Variants in DENND11 observed in about 807,000 individuals in gnomAD.
DENND11 encodes the protein DENN domain-containing protein 11.
Under a neutral mutation model 49.2 loss-of-function variants are expected in DENND11, and 34 were observed. That is an observed-to-expected ratio of 0.69 (90% CI 0.53 to 0.92). The LOEUF (loss-of-function observed/expected upper bound fraction) is 0.92. Among genes scored for constraint, DENND11 ranks in the 40% least tolerant of loss-of-function variants. DENND11 has a pLI of 0.00. For missense variants in DENND11, 475 were observed against 581.6 expected (o/e 0.82, Z 1.88); for synonymous variants, 238 against 230.3 (o/e 1.03, Z -0.30).
At position 141,657,826 on chromosome 7, in the gene DENND11, A is replaced by C. The variant is rs2117044768; in HGVS notation, c.*4830T>G. The C allele has an allele frequency of 6.5e-6, 1 of 152,694 alleles. No individual in the cohort carries two copies. The highest frequency in any genetic ancestry group is 2.1e-4 in the South Asian group (1 of 4,818). 9.5% of individuals were successfully genotyped at this position (152,694 alleles called of 1,614,324 possible). A position where few individuals can be genotyped will look rare whatever the true frequency, so the allele number is the denominator to read the frequency against. ...CCTTCTAAATTTGCAATTTCATCCA[A>C]CTGCCCCTAAATTCTAGTTCCAAAA... On this transcript the variant is annotated 3_prime_UTR_variant, in exon 9 of 9. Coordinates refer to ENST00000536163, the MANE Select transcript of DENND11 (RefSeq NM_001080392.2).
chr7:141,700,324 C>T (rs1267445370), intron 1 of DENND11, among the ~76,000 whole-genome samples: 1 of 151,828 alleles, frequency 6.6e-6, no homozygotes, highest in South Asian at 2.1e-4. Flanking sequence ...TCTAGCATTA[C>T]GGGTAACTTT....
At chr7:141,697,830 CAT>C (rs1798440986) in intron 1 of DENND11, among the ~76,000 whole-genome samples, 2 of 152,122 alleles carry the variant, frequency 1.3e-5, no homozygotes, top group South Asian at 2.1e-4. Flanking sequence ...TAAATGTACT[CAT>C]GTGACATAAA....
At chr7:141,692,299 T>A (rs1001706034) in intron 1 of DENND11, among the ~76,000 whole-genome samples, 5 of 152,134 alleles carry the variant, frequency 3.3e-5, no homozygotes, top group African/African-American at 1.2e-4. Context: ...AAAGCTTACA[T>A]GGAAAGGCAA....
chr7:141,702,103 G>T lies in DENND11; in HGVS notation c.51C>A (p.Pro17=). Residue 17 remains proline, a synonymous_variant, in exon 1 of 9, where the codon CCC becomes CCA. Coordinates refer to ENST00000536163, the MANE Select transcript of DENND11 (RefSeq NM_001080392.2). ...AAPLLRWAEG[P]AVSLPQAPQP... ...GCGGGGCCTGCGGCAGGGAGACGGC[G>T]GGGCCCTCGGCCCAGCGCAGCAGCG... is the stretch of plus-strand genomic sequence containing the variant. 1.0e-6 allele frequency: 1 copy of T among 984,368 alleles called. No individual in the cohort carries two copies. Among genetic ancestry groups the T allele is most frequent in the Non-Finnish European group, 1.2e-6 (1 of 830,662 alleles). 61.0% of individuals were successfully genotyped at this position (984,368 alleles called of 1,614,324 possible). A position where few individuals can be genotyped will look rare whatever the true frequency, so the allele number is the denominator to read the frequency against.
chr7:141,673,908 T>A (rs772575640), intron 4 of DENND11, among the ~76,000 whole-genome samples, 159 bp downstream of exon 4: 40 of 152,216 alleles, frequency 2.6e-4, no homozygotes, highest in Non-Finnish European at 5.3e-4. Context: ...CCTTATGTTT[T>A]AAAAAAACCA....
At chr7:141,690,617 C>A (rs1005796396) in intron 1 of DENND11, among the ~76,000 whole-genome samples, 2 of 152,228 alleles carry the variant, frequency 1.3e-5, no homozygotes, top group African/African-American at 4.8e-5. Flanking sequence ...CACATTTCTA[C>A]TGACTACATC....
chr7:141,683,691 T>A (rs1378190531), intron 3 of DENND11, among the ~76,000 whole-genome samples: 1 of 152,034 alleles, frequency 6.6e-6, no homozygotes, highest in Non-Finnish European at 1.5e-5. Flanking sequence ...TTTGGCAAGT[T>A]CAGAAACAGC....
intron 3 of DENND11, among the ~76,000 whole-genome samples, chr7:141,683,765 G>C (rs1016988798): frequency 6.6e-6 from 1 of 152,174 alleles, no homozygotes; most frequent in Non-Finnish European, 1.5e-5. Context: ...ACTAATTTCA[G>C]ATAACAGTAG....
chr7:141,684,400 T>C (rs1022032852), intron 3 of DENND11, among the ~76,000 whole-genome samples: 2 of 152,220 alleles, frequency 1.3e-5, no homozygotes, highest in Admixed American at 1.3e-4. Flanking sequence ...GTTTAATATA[T>C]TTCATTAACA....
intron 8 of DENND11, 106 bp from the exon 9 acceptor site, chr7:141,662,957 C>T (rs926127818): frequency 5.4e-6 from 4 of 743,890 alleles, no homozygotes; most frequent in African/African-American, 3.6e-5. Context: ...GTTTAATGTA[C>T]TTTTCAGTGG....
intron 1 of DENND11, 36 bp downstream of exon 1, chr7:141,701,849 AC>A: frequency 8.6e-7 from 1 of 1,157,396 alleles, no homozygotes; most frequent in Non-Finnish European, 1.1e-6. Flanking sequence ...GGGCACCCCG[AC>A]CCTCCCCACG....
chr7:141,675,149 G>A (rs1460008223), intron 3 of DENND11, among the ~76,000 whole-genome samples: 1 of 152,154 alleles, frequency 6.6e-6, no homozygotes, highest in Non-Finnish European at 1.5e-5. Context: ...GGGACTTTTG[G>A]ACACATAGAC....
intron 1 of DENND11, among the ~76,000 whole-genome samples, chr7:141,699,814 T>A (rs1164925182): frequency 2.6e-5 from 4 of 152,220 alleles, no homozygotes; most frequent in Admixed American, 2.6e-4. Flanking sequence ...AGAGCAGTGA[T>A]CAGAATAAAT....
intron 4 of DENND11, among the ~76,000 whole-genome samples, chr7:141,668,108 C>T (rs2117054757): frequency 6.6e-6 from 1 of 152,312 alleles, no homozygotes; most frequent in South Asian, 2.1e-4. Context: ...CACACAGAGG[C>T]CAGGTGGGGC....
rs777915669 is a variant in DENND11 at position 141,659,398 on chromosome 7, A to G, written c.*3258T>C. On this transcript the variant is annotated 3_prime_UTR_variant, in exon 9 of 9. Coordinates refer to ENST00000536163, the MANE Select transcript of DENND11 (RefSeq NM_001080392.2). ...GGCCATACTTTTAGTCTGGTAGGGG[A>G]TAAGCCCTACCATTTCAAACTCCTT... The G allele has an allele frequency of 1.3e-5, 2 of 152,210 alleles. No individual in the cohort carries two copies. The highest frequency in any genetic ancestry group is 2.9e-5 in the Non-Finnish European group (2 of 68,040). 9.4% of individuals were successfully genotyped at this position (152,210 alleles called of 1,614,324 possible). A position where few individuals can be genotyped will look rare whatever the true frequency, so the allele number is the denominator to read the frequency against.
rs1039096212 is a variant in DENND11, at chr7:141,665,594, C to T, written c.821-276G>A. Among the ~76,000 whole-genome samples the T allele has an allele frequency of 9.9e-5, 15 of 152,258 alleles. No homozygotes were observed. The South Asian group carries it at 1.9e-3, about 19-fold the overall frequency. On this transcript the variant is annotated intron_variant, in intron 5 of 8. Transcript: ENST00000536163. Reference sequence around the variant, plus strand: ...TGCTTAGAATTTGACCTTGTCAGAACTCCGGCCTCTGTAACCCTTGTGTCT... The same window carrying T: ...TGCTTAGAATTTGACCTTGTCAGAATTCCGGCCTCTGTAACCCTTGTGTCT...
intron 4 of DENND11, 94 bp from the exon 5 acceptor site, chr7:141,666,519 T>C: frequency 8.0e-7 from 1 of 1,242,874 alleles, no homozygotes; most frequent in South Asian, 1.9e-5. Context: ...TCTGAAATTC[T>C]AAAGTCCATC....
chr7:141,663,112 T>G (rs1372908907), intron 8 of DENND11: 1 of 356,436 alleles, frequency 2.8e-6, no homozygotes, highest in Non-Finnish European at 5.0e-6. Context: ...TCCATTTTCC[T>G]GTTGAGGGAA....
In DENND11 at chr7:141,666,289, C is replaced by T. The variant is rs1797892160; in HGVS notation, c.818G>A (p.Arg273Lys). The change falls in exon 5 of 9, where the codon AGA (arginine) becomes AAA (lysine). Residue 273 changes from arginine to lysine, a missense_variant and splice_region_variant. Transcript: ENST00000536163. ...TCCTGACTCTGGCTTCTGGTTACCT[C>T]TATAGCACACCACGCCCACAGGTGG... Reference protein sequence around the residue: ...SPPPVGVVCYRVYCCCCLANV... With the variant: ...SPPPVGVVCYKVYCCCCLANV... 1 of 1,611,000 alleles carries T rather than the reference C, an allele frequency of 6.2e-7. No homozygotes were observed. Among genetic ancestry groups the T allele is most frequent in the East Asian group, 2.2e-5 (1 of 44,798 alleles).
Sources: gnomAD v4.1 joint callset for allele counts (sites outside exome capture counted in the v4.1 genomes callset) on GRCh38, gnomAD v4.1.1 for gene constraint, MANE v1.5 for transcripts, NCBI Gene and HGNC (gene_info 2026-07-23, HGNC 2026-07-21) for gene names.